Variants in EML1 observed in about 807,000 individuals in gnomAD.
The protein encoded by EML1 is echinoderm microtubule-associated protein-like 1.
Under a neutral mutation model 110.4 loss-of-function variants are expected in EML1, and 27 were observed. The observed-to-expected ratio is 0.24, with a 90% confidence interval of 0.18 to 0.34. The LOEUF is 0.34. EML1 is among the 10% of genes least tolerant of loss of function. EML1 has a pLI of 1.00. For missense variants in EML1, 741 were observed against 1,030.9 expected, an observed-to-expected ratio of 0.72 and a Z score of 3.85; for synonymous variants, 344 against 385.8, an observed-to-expected ratio of 0.89 and a Z score of 1.27.
intron 17 of EML1, 45 bp from the exon 18 acceptor site, chr14:99,935,984 T>G: frequency 1.3e-6 from 2 of 1,561,002 alleles, no homozygotes; most frequent in Non-Finnish European, 1.8e-6. Flanking sequence ...ACGAACAAAA[T>G]GTGTATTGTT....
chr14:99,907,382 TG>T (rs2059868898), intron 9 of EML1: 1 of 430,704 alleles, frequency 2.3e-6, no homozygotes, highest in African/African-American at 2.0e-5. Flanking sequence ...GTAGGAGGAT[TG>T]CTTGAGCCTG....
At chr14:99,756,619 C>T (rs2057258210) in intron 1 of EML1, among the ~76,000 whole-genome samples, 1 of 152,176 alleles carries the variant, frequency 6.6e-6, no homozygotes, top group Non-Finnish European at 1.5e-5. Flanking sequence ...TTTCTAGCAC[C>T]TAAAACCTTT....
At chr14:99,872,177 C>T (rs1017544715) in intron 3 of EML1, among the ~76,000 whole-genome samples, 1 of 152,118 alleles carries the variant, frequency 6.6e-6, no homozygotes, top group African/African-American at 2.4e-5. Context: ...GGCCAAACAC[C>T]AAGTAAGGAA....
chr14:99,832,184 C>G (rs1816924793), intron 1 of EML1, among the ~76,000 whole-genome samples: 1 of 152,258 alleles, frequency 6.6e-6, no homozygotes, highest in African/African-American at 2.4e-5. Flanking sequence ...TGATATTCAT[C>G]CGTGCTGTTG....
At chr14:99,869,884 A>G (rs1452756649) in intron 3 of EML1, among the ~76,000 whole-genome samples, 2 of 152,194 alleles carry the variant, frequency 1.3e-5, no homozygotes, top group Admixed American at 1.3e-4. Context: ...GTCTTCTGCC[A>G]TGATTGAAAA....
intron 2 of EML1, among the ~76,000 whole-genome samples, chr14:99,858,097 T>C (rs575510388): frequency 1.3e-5 from 2 of 152,184 alleles, no homozygotes; most frequent in African/African-American, 4.8e-5. Flanking sequence ...CAAAGTAGCA[T>C]GCTCTCTTGT....
At chr14:99,888,277 C>T (rs1477281632) in intron 4 of EML1, among the ~76,000 whole-genome samples, 1 of 152,098 alleles carries the variant, frequency 6.6e-6, no homozygotes, top group Admixed American at 6.5e-5. Context: ...CACGAGCTTC[C>T]CTGTATGAAG....
At chr14:99,739,063 A>AGTGTGT (rs1470091093) in intron 1 of EML1, among the ~76,000 whole-genome samples, 2 of 51,476 alleles carry the variant, frequency 3.9e-5, no homozygotes, top group African/African-American at 9.8e-5. Context: ...TGAGAGTGTG[A>AGTGTGT]GAGTGTGTGT....
intron 3 of EML1, among the ~76,000 whole-genome samples, chr14:99,875,214 G>A (rs907304395): frequency 6.6e-6 from 1 of 152,036 alleles, no homozygotes; most frequent in Admixed American, 6.6e-5. Flanking sequence ...TGTTAATTAG[G>A]GGCCTAATAG....
rs562430944 is a variant in EML1 at position 99,939,866 on chromosome 14, G to C, written c.2323-121G>C. 1 of 1,283,480 alleles carries C rather than the reference G, an allele frequency of 7.8e-7. No individual in the cohort carries two copies. Among genetic ancestry groups the C allele is most frequent in the East Asian group, 2.6e-5 (1 of 38,890 alleles). 79.5% of individuals were successfully genotyped at this position (1,283,480 alleles called of 1,614,324 possible). ...ACACACAGAGCAGGTTCCCAAGTGA[G>C]AGCTGCCGAGCGGAGGGCGAGTAAA... On this transcript the variant is annotated intron_variant, in intron 21 of 21. Transcript: ENST00000262233. This position sits in a 1 kb window ranked among gnomAD's most constrained non-coding sequence, Gnocchi z 4.2.
At chr14:99,886,820 G>A (rs982931077) in intron 4 of EML1, among the ~76,000 whole-genome samples, 1 of 152,206 alleles carries the variant, frequency 6.6e-6, no homozygotes. Context: ...CTGTTGAGTT[G>A]CAGCCTGGAC....
chr14:99,807,619 G>A (rs1161426336), intron 1 of EML1, among the ~76,000 whole-genome samples: 1 of 152,160 alleles, frequency 6.6e-6, no homozygotes, highest in African/African-American at 2.4e-5. Flanking sequence ...GACAGGAGCT[G>A]TGACAGCAAC....
chr14:99,770,125 A>C (rs939729904), upstream of EML1, among the ~76,000 whole-genome samples: 2 of 152,024 alleles, frequency 1.3e-5, no homozygotes, highest in East Asian at 3.9e-4. Context: ...CTGTCCTCCT[A>C]TGATCATCAG....
chr14:99,848,251 C>A (rs2058736217), intron 1 of EML1, among the ~76,000 whole-genome samples: 1 of 152,084 alleles, frequency 6.6e-6, no homozygotes, highest in Admixed American at 6.6e-5. Context: ...TTAATACTAA[C>A]CCCTTACAGT....
At chr14:99,776,360 A>C (rs549883071) in intron 1 of EML1, among the ~76,000 whole-genome samples, 27 of 152,180 alleles carry the variant, frequency 1.8e-4, no homozygotes, top group Non-Finnish European at 3.4e-4. Flanking sequence ...AACAATTAGC[A>C]GGGTGTGGTG....
At chr14:99,769,677 A>G (rs1026606212), upstream of EML1, among the ~76,000 whole-genome samples, 5 of 152,252 alleles carry the variant, frequency 3.3e-5, no homozygotes, top group African/African-American at 9.6e-5. Flanking sequence ...GAGTTTCAGC[A>G]TCAGGACAAA....
Position 99,910,095 on chromosome 14 carries a change from G to T in EML1, c.1240-147G>T, listed in dbSNP as rs1595468147. ...ATGTAATAGTAGACAGAAATGCAAG[G>T]TGTGCAGGGTGGTCACAGAAGCTGA... On this transcript the variant is annotated intron_variant, in intron 11 of 21. Coordinates refer to ENST00000262233, the MANE Select transcript of EML1 (RefSeq NM_004434.3). The T allele has an allele frequency of 1.6e-5, 9 of 547,338 alleles. No homozygotes were observed. In the East Asian group the frequency reaches 2.8e-4, roughly 17 times the overall value. 33.9% of individuals were successfully genotyped at this position (547,338 alleles called of 1,614,324 possible).
intron 1 of EML1, among the ~76,000 whole-genome samples, chr14:99,812,489 T>G (rs116908081): frequency 0.027 from 4,173 of 151,982 alleles, 141 homozygotes; most frequent in Non-Finnish European, 0.037. Context: ...CTGTCAGATC[T>G]CTTCCCTGCC....
intron 1 of EML1, among the ~76,000 whole-genome samples, chr14:99,786,983 G>A (rs2057607896): frequency 6.6e-6 from 1 of 152,170 alleles, no homozygotes; most frequent in South Asian, 2.1e-4. Context: ...TTTGGCAAGG[G>A]CAATTTAGGA....
Sources: allele counts gnomAD v4.1 joint callset (sites outside exome capture counted in the v4.1 genomes callset), GRCh38; gene constraint gnomAD v4.1.1; non-coding constraint Gnocchi (gnomAD v3.1); transcripts MANE v1.5; gene names NCBI Gene and HGNC (gene_info 2026-07-23, HGNC 2026-07-21).